Variants in ELOVL4 observed in about 807,000 individuals in gnomAD.
ELOVL4 encodes ELOVL fatty acid elongase 4.
A neutral mutation model predicts 42.1 loss-of-function variants in ELOVL4; 18 were observed. The ratio of observed to expected loss-of-function variants is 0.43; its 90% CI spans 0.30 to 0.63. The LOEUF is 0.63. ELOVL4 is among the 30% of genes least tolerant of loss of function. The pLI is 0.15. For missense variants in ELOVL4, 299 were observed against 376.2 expected (o/e 0.79, Z 1.70); for synonymous variants, 117 against 127.0 (o/e 0.92, Z 0.53).
At chr6:79,934,319 C>A (rs567335388) in intron 1 of ELOVL4, among the ~76,000 whole-genome samples, 3 of 151,424 alleles carry the variant, frequency 2.0e-5, no homozygotes, top group South Asian at 4.2e-4. Flanking sequence ...TCACAAAGAC[C>A]GAGAAATTTC....
intron 1 of ELOVL4, among the ~76,000 whole-genome samples, chr6:79,938,455 G>T (rs2322554): frequency 0.16 from 24,604 of 152,092 alleles, 2,267 homozygotes; most frequent in South Asian, 0.36. Context: ...GGTAAAATAC[G>T]GTTAGTCCTG....
intron 5 of ELOVL4, 62 bp from the exon 6 acceptor site, chr6:79,916,945 A>C: frequency 1.3e-6 from 2 of 1,595,348 alleles, no homozygotes; most frequent in Non-Finnish European, 1.7e-6. Flanking sequence ...TTTTAACAAC[A>C]TCGGCATCTT....
intron 5 of ELOVL4, among the ~76,000 whole-genome samples, chr6:79,917,719 G>A (rs1421094972): frequency 6.6e-6 from 1 of 152,152 alleles, no homozygotes; most frequent in African/African-American, 2.4e-5. Flanking sequence ...TACTCAGGAG[G>A]CTGAAGCAGA....
chr6:79,931,274 G>A (rs1032804292), intron 1 of ELOVL4, among the ~76,000 whole-genome samples: 7 of 151,724 alleles, frequency 4.6e-5, no homozygotes, highest in Admixed American at 3.9e-4. Flanking sequence ...AGCCTTTCAC[G>A]TTGTCATGTA....
At chr6:79,922,729 T>TC (rs1243814782) in intron 3 of ELOVL4, among the ~76,000 whole-genome samples, 1 of 152,224 alleles carries the variant, frequency 6.6e-6, no homozygotes, top group Non-Finnish European at 1.5e-5. Context: ...AGTTGAAGGA[T>TC]CCCTTTGCAT....
Position 79,916,624 on chromosome 6 carries a change from T to C in ELOVL4, c.929A>G (p.Lys310Arg). The C allele has an allele frequency of 1.2e-6, 2 of 1,614,076 alleles. No homozygotes were observed. Among genetic ancestry groups the C allele is most frequent in the Non-Finnish European group, 1.7e-6 (2 of 1,180,006 alleles). ...IENGKKQKNGKAKGD is the reference protein window; with the variant it reads ...IENGKKQKNGRAKGD ...CAGTTCAATTTAATCTCCTTTTGCTTTTCCATTTTTCTGCTTTTTTCCATT... is the reference window on the plus strand; with the variant it reads ...CAGTTCAATTTAATCTCCTTTTGCTCTTCCATTTTTCTGCTTTTTTCCATT... The change falls in exon 6 of 6, where the codon AAA becomes AGA. Residue 310 changes from lysine (K) to arginine (R), a missense_variant. Transcript: ENST00000369816.
chr6:79,931,187 T>C (rs1463179257), intron 1 of ELOVL4, among the ~76,000 whole-genome samples: 1 of 152,206 alleles, frequency 6.6e-6, no homozygotes, highest in Non-Finnish European at 1.5e-5. Context: ...TTTTATACTA[T>C]TAATATGCTT....
intron 3 of ELOVL4, 89 bp from the exon 4 acceptor site, chr6:79,921,885 T>C (rs1774263084): frequency 4.0e-6 from 5 of 1,264,276 alleles, no homozygotes; most frequent in Non-Finnish European, 5.7e-6. Flanking sequence ...AATAAACATT[T>C]GTATATTGCA....
rs1157670260 is a variant in ELOVL4, at chr6:79,916,467, A to T, written c.*141T>A. On this transcript the variant is annotated 3_prime_UTR_variant, in exon 6 of 6. Coordinates refer to ENST00000369816, the MANE Select transcript of ELOVL4 (RefSeq NM_022726.4). ...TGGGTATGGTATTAACACTTTACTC[A>T]GTCTAAGAGTTACTAGGACATAGAG... 1 of 880,570 alleles carries T rather than the reference A, an allele frequency of 1.1e-6. No homozygotes were observed. The highest frequency in any genetic ancestry group is 1.7e-5 in the African/African-American group (1 of 59,322). 54.5% of individuals were successfully genotyped at this position (880,570 alleles called of 1,614,324 possible). A position where few individuals can be genotyped will look rare whatever the true frequency, so the allele number is the denominator to read the frequency against.
At chr6:79,925,297 G>C (rs1389816732) in intron 2 of ELOVL4, among the ~76,000 whole-genome samples, 2 of 152,110 alleles carry the variant, frequency 1.3e-5, no homozygotes, top group African/African-American at 4.8e-5. Context: ...ACAGTATTAA[G>C]AGAAATTTTT....
In ELOVL4 at chr6:79,916,557, T is replaced by C. The variant is rs374537157; in HGVS notation, c.*51A>G. 3.0e-5 allele frequency: 48 copies of C among 1,608,054 alleles called. No homozygotes were observed. Among genetic ancestry groups the C allele is most frequent in the African/African-American group, 6.7e-5 (5 of 74,776 alleles). ...CTTCTGTTTTCCCTGAAATTTTATA[T>C]GATATGGGAGTTTTTCCTCACTGTC... On this transcript the variant is annotated 3_prime_UTR_variant, in exon 6 of 6. Coordinates refer to ENST00000369816, the MANE Select transcript of ELOVL4 (RefSeq NM_022726.4).
intron 1 of ELOVL4, among the ~76,000 whole-genome samples, chr6:79,939,286 C>T (rs561133115): frequency 4.0e-5 from 6 of 151,812 alleles, no homozygotes; most frequent in African/African-American, 4.8e-5. Context: ...TCTTGCATTG[C>T]GGTAAAAAGA....
At chr6:79,947,114 G>A (rs1774759492) in intron 1 of ELOVL4, 66 bp downstream of exon 1, 2 of 1,347,404 alleles carry the variant, frequency 1.5e-6, no homozygotes, top group African/African-American at 1.4e-5. Flanking sequence ...CCCGGGAGCT[G>A]CGAGACCAGG....
intron 1 of ELOVL4, among the ~76,000 whole-genome samples, chr6:79,940,646 T>C (rs1353099262): frequency 1.3e-5 from 2 of 152,140 alleles, no homozygotes; most frequent in Admixed American, 6.5e-5. Context: ...GTTATAAGGA[T>C]TCAATAAACT....
intron 1 of ELOVL4, among the ~76,000 whole-genome samples, chr6:79,942,007 A>G (rs1355125280): frequency 6.6e-6 from 1 of 152,188 alleles, no homozygotes; most frequent in Non-Finnish European, 1.5e-5. Flanking sequence ...GCTCCAGGGT[A>G]CCATAAACAA....
rs146196696 is a variant in ELOVL4 at position 79,940,394 on chromosome 6, G to A, written c.100+6786C>T. Among the ~76,000 whole-genome samples, 1,500 of 152,174 alleles carry A rather than the reference G, an allele frequency of 9.9e-3. 25 individuals are homozygous for A. Among genetic ancestry groups the A allele is most frequent in the African/African-American group, 0.033 (1,385 of 41,516 alleles). ...AAAATTTGTATTTTGATTAGTTAAGGAACATACTTATACCAAAACCATTTA... is the reference window on the plus strand; with the variant it reads ...AAAATTTGTATTTTGATTAGTTAAGAAACATACTTATACCAAAACCATTTA... On this transcript the variant is annotated intron_variant, in intron 1 of 5. Coordinates refer to ENST00000369816, the MANE Select transcript of ELOVL4 (RefSeq NM_022726.4).
chr6:79,939,148 T>C (rs1228368325), intron 1 of ELOVL4, among the ~76,000 whole-genome samples: 2 of 152,238 alleles, frequency 1.3e-5, no homozygotes, highest in Admixed American at 1.3e-4. Context: ...CCAACAGCTA[T>C]ATAGTCTCTT....
At chr6:79,929,504 G>A (rs1277290784) in intron 1 of ELOVL4, among the ~76,000 whole-genome samples, 1 of 152,152 alleles carries the variant, frequency 6.6e-6, no homozygotes, top group East Asian at 1.9e-4. Flanking sequence ...GCCTCCCAAA[G>A]TGTTAGGATT....
At chr6:79,931,332 C>T (rs1026511470) in intron 1 of ELOVL4, among the ~76,000 whole-genome samples, 1 of 151,970 alleles carries the variant, frequency 6.6e-6, no homozygotes, top group Non-Finnish European at 1.5e-5. Context: ...TAGAAATGAT[C>T]CCTTTATCTT....
Sources: gnomAD v4.1 joint callset for allele counts (sites outside exome capture counted in the v4.1 genomes callset) on GRCh38, gnomAD v4.1.1 for gene constraint, MANE v1.5 for transcripts, NCBI Gene and HGNC (gene_info 2026-07-23, HGNC 2026-07-21) for gene names.